The following CFAP299 variants were observed in gnomAD, a reference collection of about 807,000 sequenced individuals.
CFAP299 encodes cilia and flagella associated protein 299.
In CFAP299, 21 loss-of-function variants were observed where a neutral mutation model predicts 27.0. The observed-to-expected ratio is 0.78, with a 90% CI of 0.55 to 1.12. The LOEUF is 1.12. CFAP299 is among the 50% of genes most tolerant of loss of function. The pLI, the probability that CFAP299 is intolerant of heterozygous loss-of-function variation, is 0.00. For missense variants in CFAP299, 310 were observed against 276.6 expected, an observed-to-expected ratio of 1.12 and a Z score of -0.86; for synonymous variants, 104 against 98.1, an observed-to-expected ratio of 1.06 and a Z score of -0.36.
intron 2 of CFAP299, among the ~76,000 whole-genome samples, chr4:80,412,090 A>G (rs957475496): frequency 1.3e-5 from 2 of 152,194 alleles, no homozygotes; most frequent in African/African-American, 4.8e-5. Flanking sequence ...TAGGTCCCTC[A>G]GCTAGTAAAT....
chr4:80,393,732 C>G (rs1345833004), intron 2 of CFAP299, among the ~76,000 whole-genome samples: 1 of 152,112 alleles, frequency 6.6e-6, no homozygotes, highest in African/African-American at 2.4e-5. Flanking sequence ...GATGTTCAAA[C>G]AGCTACAAAA....
chr4:80,782,385 A>T (rs952411179), intron 3 of CFAP299, among the ~76,000 whole-genome samples: 3 of 151,516 alleles, frequency 2.0e-5, no homozygotes, highest in East Asian at 3.9e-4. Flanking sequence ...AGTTATTTTT[A>T]AACAACAAAT....
intron 3 of CFAP299, among the ~76,000 whole-genome samples, chr4:80,661,094 G>A (rs935080468): frequency 3.3e-5 from 5 of 152,106 alleles, no homozygotes; most frequent in Admixed American, 2.6e-4. Context: ...GAGAGACTGA[G>A]GCAGGTGGAT....
At position 80,733,147 on chromosome 4, in the gene CFAP299, G is replaced by C. The variant is rs1459472750; in HGVS notation, c.334-136846G>C. Among the ~76,000 whole-genome samples the C allele has an allele frequency of 2.0e-5, 3 of 151,990 alleles. No individual in the cohort carries two copies. The East Asian group carries it at 5.8e-4, about 29-fold the overall frequency. ...AACTAAAACTGAAAGCCTATGAATGGATATTGGATGTGACTTAAAACTGGT... is the reference window on the plus strand; with the variant it reads ...AACTAAAACTGAAAGCCTATGAATGCATATTGGATGTGACTTAAAACTGGT... On this transcript the variant is annotated intron_variant, in intron 3 of 5. Coordinates refer to ENST00000358105, the MANE Select transcript of CFAP299 (RefSeq NM_152770.3).
intron 5 of CFAP299, among the ~76,000 whole-genome samples, chr4:80,952,229 C>T (rs72661744): frequency 0.032 from 4,918 of 151,968 alleles, 117 homozygotes; most frequent in Middle Eastern, 0.092. Flanking sequence ...TAAACATCTG[C>T]GGGATGAATA....
At chr4:80,697,736 T>C (rs1271217424) in intron 3 of CFAP299, among the ~76,000 whole-genome samples, 1 of 152,118 alleles carries the variant, frequency 6.6e-6, no homozygotes, top group East Asian at 1.9e-4. Flanking sequence ...CAGTCAAGGG[T>C]AAGATTTGTG....
At chr4:80,537,109 T>C (rs1733782629) in intron 2 of CFAP299, among the ~76,000 whole-genome samples, 1 of 152,122 alleles carries the variant, frequency 6.6e-6, no homozygotes, top group Non-Finnish European at 1.5e-5. Flanking sequence ...ACATCATTAA[T>C]CATCAGGGAA....
chr4:80,428,757 T>G (rs1727654542), intron 2 of CFAP299, among the ~76,000 whole-genome samples: 1 of 151,848 alleles, frequency 6.6e-6, no homozygotes, highest in Non-Finnish European at 1.5e-5. Context: ...GTCAGGCTGA[T>G]CTCAAACTCC....
At chr4:80,485,317 CAG>C (rs1428928681) in intron 2 of CFAP299, among the ~76,000 whole-genome samples, 1 of 150,634 alleles carries the variant, frequency 6.6e-6, no homozygotes. Flanking sequence ...AAGAAGCAAT[CAG>C]AAAAATTCAG....
intron 3 of CFAP299, among the ~76,000 whole-genome samples, chr4:80,842,553 G>A (rs890863408): frequency 6.6e-6 from 1 of 152,122 alleles, no homozygotes; most frequent in Non-Finnish European, 1.5e-5. Flanking sequence ...ATGTAATAAT[G>A]CACAGAAAGT....
intron 3 of CFAP299, among the ~76,000 whole-genome samples, chr4:80,644,189 T>A (rs1192926224): frequency 1.3e-5 from 2 of 152,200 alleles, no homozygotes; most frequent in Admixed American, 1.3e-4. Context: ...CCTGGTTTTT[T>A]AAAAACAAAC....
chr4:80,476,003 A>G (rs1730257603), intron 2 of CFAP299, among the ~76,000 whole-genome samples: 1 of 152,242 alleles, frequency 6.6e-6, no homozygotes, highest in African/African-American at 2.4e-5. Flanking sequence ...CAAGTAGTCT[A>G]TCCTTTTAAT....
At chr4:80,644,622 A>G (rs779513858) in intron 3 of CFAP299, among the ~76,000 whole-genome samples, 1 of 152,168 alleles carries the variant, frequency 6.6e-6, no homozygotes, top group African/African-American at 2.4e-5. Flanking sequence ...GGTGGAAACA[A>G]TGTAAGTATT....
intron 2 of CFAP299, among the ~76,000 whole-genome samples, chr4:80,520,869 C>T (rs1384397690): frequency 1.3e-5 from 2 of 151,910 alleles, no homozygotes; most frequent in Non-Finnish European, 2.9e-5. Flanking sequence ...TTATGACAAG[C>T]AAATGTAAAT....
intron 3 of CFAP299, among the ~76,000 whole-genome samples, chr4:80,846,570 A>G (rs908044266): frequency 1.3e-5 from 2 of 152,186 alleles, no homozygotes; most frequent in African/African-American, 2.4e-5. Context: ...TATAATGAGA[A>G]CTATAAATAA....
chr4:80,459,407 A>G (rs756951747), intron 2 of CFAP299, among the ~76,000 whole-genome samples: 3 of 152,204 alleles, frequency 2.0e-5, no homozygotes, highest in Non-Finnish European at 4.4e-5. Context: ...GTATGCCAAC[A>G]TGTAAAACCT....
At chr4:80,936,413 A>T (rs1736892126) in intron 4 of CFAP299, among the ~76,000 whole-genome samples, 1 of 152,182 alleles carries the variant, frequency 6.6e-6, no homozygotes, top group Non-Finnish European at 1.5e-5. Flanking sequence ...AACAAGATAA[A>T]GAAAACGTAG....
chr4:80,870,725 A>T (rs1008086081), intron 4 of CFAP299: 14 of 985,312 alleles, frequency 1.4e-5, no homozygotes, highest in African/African-American at 8.7e-5. Context: ...AAAACTTTTT[A>T]TTCCCTCTTA....
intron 3 of CFAP299, among the ~76,000 whole-genome samples, chr4:80,731,884 C>G (rs1365392338): frequency 1.3e-5 from 2 of 152,066 alleles, no homozygotes; most frequent in East Asian, 3.8e-4. Flanking sequence ...TGGCCCTTTC[C>G]TGATTTGTTT....
Sources: gnomAD v4.1 joint callset for allele counts (sites outside exome capture counted in the v4.1 genomes callset) on GRCh38, gnomAD v4.1.1 for gene constraint, MANE v1.5 for transcripts, NCBI Gene and HGNC (gene_info 2026-07-23, HGNC 2026-07-21) for gene names.